The following CDH13 variants were observed in gnomAD, a reference collection of about 807,000 sequenced individuals.
CDH13 encodes cadherin-13.
Under a neutral mutation model 63.8 loss-of-function variants are expected in CDH13, and 24 were observed. That is an observed-to-expected ratio of 0.38 (90% CI 0.27 to 0.53). CDH13 has a LOEUF of 0.53. CDH13 is among the 20% of genes least tolerant of loss of function. CDH13 has a pLI of 0.85. For synonymous variants in CDH13, 503 were observed against 355.3 expected (o/e 1.42, Z -4.67); for missense variants, 1,049 against 903.1 (o/e 1.16, Z -2.07).
At chr16:83,414,024 T>C (rs886918999) in intron 6 of CDH13, among the ~76,000 whole-genome samples, 8 of 152,160 alleles carry the variant, frequency 5.3e-5, no homozygotes, top group Non-Finnish European at 7.4e-5. Flanking sequence ...TCTCTCTTGT[T>C]GTCCTTTGTA....
At chr16:82,858,034 T>G (rs2039775228) in intron 1 of CDH13, among the ~76,000 whole-genome samples, 1 of 152,216 alleles carries the variant, frequency 6.6e-6, no homozygotes, top group South Asian at 2.1e-4. Flanking sequence ...GGTTTTAGCT[T>G]AGGCATCATG....
intron 9 of CDH13, among the ~76,000 whole-genome samples, chr16:83,673,719 T>C (rs541808962): frequency 1.5e-3 from 224 of 152,346 alleles, no homozygotes; most frequent in African/African-American, 5.1e-3. Context: ...TTAGTTAAAA[T>C]GCAGATTTCT....
chr16:83,324,965 T>A (rs1308282043), intron 5 of CDH13, among the ~76,000 whole-genome samples: 1 of 152,186 alleles, frequency 6.6e-6, no homozygotes, highest in African/African-American at 2.4e-5. Flanking sequence ...CCCACTTCTG[T>A]CACTCTACTT....
At chr16:83,118,949 C>G (rs1051364917) in intron 3 of CDH13, among the ~76,000 whole-genome samples, 2 of 152,192 alleles carry the variant, frequency 1.3e-5, no homozygotes, top group African/African-American at 4.8e-5. Flanking sequence ...CAAGGTCAGC[C>G]CCATTCCTTG....
At chr16:82,665,652 C>T (rs936351820) in intron 1 of CDH13, among the ~76,000 whole-genome samples, 3 of 152,058 alleles carry the variant, frequency 2.0e-5, no homozygotes, top group Non-Finnish European at 2.9e-5. Context: ...CTCTGCTTCA[C>T]CTTCCTCAAC....
At chr16:83,454,170 G>C (rs909234173) in intron 6 of CDH13, among the ~76,000 whole-genome samples, 3 of 152,164 alleles carry the variant, frequency 2.0e-5, no homozygotes, top group Non-Finnish European at 4.4e-5. Flanking sequence ...GTATATTAAG[G>C]GGTGATGACT....
At chr16:83,220,148 A>C (rs1477597725) in intron 5 of CDH13, among the ~76,000 whole-genome samples, 1 of 152,178 alleles carries the variant, frequency 6.6e-6, no homozygotes, top group Non-Finnish European at 1.5e-5. Flanking sequence ...TGCTTCATGC[A>C]CTTCAGTTCG....
At chr16:82,801,135 C>T (rs1444094767) in intron 1 of CDH13, among the ~76,000 whole-genome samples, 1 of 152,158 alleles carries the variant, frequency 6.6e-6, no homozygotes, top group Non-Finnish European at 1.5e-5. Context: ...CAGAAAGTGT[C>T]CAAATCCCAC....
intron 6 of CDH13, among the ~76,000 whole-genome samples, chr16:83,440,515 T>C (rs1311482144): frequency 6.6e-6 from 1 of 152,112 alleles, no homozygotes; most frequent in Non-Finnish European, 1.5e-5. Flanking sequence ...CACGGTGGCT[T>C]ATGCCTGTAG....
At chr16:83,085,201 T>G (rs1377029383) in intron 3 of CDH13, among the ~76,000 whole-genome samples, 1 of 152,082 alleles carries the variant, frequency 6.6e-6, no homozygotes, top group Non-Finnish European at 1.5e-5. Context: ...CACTTCTTTC[T>G]TGGTGGCGGC....
chr16:82,879,244 C>A (rs916601272), intron 2 of CDH13, among the ~76,000 whole-genome samples: 3 of 151,920 alleles, frequency 2.0e-5, no homozygotes, highest in African/African-American at 7.3e-5. Context: ...GCTCTGTAAC[C>A]TAGAAAAAGC....
intron 8 of CDH13, among the ~76,000 whole-genome samples, chr16:83,653,444 GT>G (rs34068620): frequency 0.91 from 134,966 of 147,916 alleles, 61,855 homozygotes; most frequent in East Asian, 0.96. Flanking sequence ...ATCACAAGCT[GT>G]TTTTTTTTTT....
At chr16:83,179,312 C>G (rs957262973) in intron 4 of CDH13, among the ~76,000 whole-genome samples, 1 of 151,928 alleles carries the variant, frequency 6.6e-6, no homozygotes, top group Non-Finnish European at 1.5e-5. Flanking sequence ...TCTCTCAACC[C>G]TATCAGGCAC....
intron 8 of CDH13, among the ~76,000 whole-genome samples, chr16:83,654,189 C>G (rs937580223): frequency 6.6e-6 from 1 of 151,874 alleles, no homozygotes; most frequent in African/African-American, 2.4e-5. Context: ...GAATTTGTTC[C>G]GGTTCTTTCT....
Position 82,948,987 on chromosome 16 carries a change from C to CTA in CDH13, c.158-83023_158-83022insTA, listed in dbSNP as rs113461473. On this transcript the variant is annotated intron_variant, in intron 2 of 13. Coordinates refer to ENST00000567109, the MANE Select transcript of CDH13 (RefSeq NM_001257.5). The stretch of plus-strand genomic sequence containing the variant: ...CTATAGAAAATTCAGTGACTGTAAA[C>CTA]ATCTTTCAACTCTACATTGTGAGAG... Among the ~76,000 whole-genome samples the CTA allele has an allele frequency of 5.9e-5, 9 of 152,278 alleles. 2 individuals carry two copies. Among genetic ancestry groups the CTA allele is most frequent in the African/African-American group, 2.2e-4 (9 of 41,568 alleles).
At chr16:83,354,181 G>C (rs984988783) in intron 6 of CDH13, among the ~76,000 whole-genome samples, 2 of 152,194 alleles carry the variant, frequency 1.3e-5, no homozygotes, top group Non-Finnish European at 2.9e-5. Flanking sequence ...AAGTCCTTGA[G>C]TTGTCCTAGC....
intron 6 of CDH13, among the ~76,000 whole-genome samples, chr16:83,389,006 C>T (rs572324721): frequency 6.6e-6 from 1 of 152,230 alleles, no homozygotes; most frequent in South Asian, 2.1e-4. Context: ...TCCCAGGCAC[C>T]ACCCTAAAAC....
At chr16:82,865,329 C>T (rs370652942) in intron 2 of CDH13, among the ~76,000 whole-genome samples, 5 of 152,220 alleles carry the variant, frequency 3.3e-5, no homozygotes, top group South Asian at 2.1e-4. Context: ...TCTGCACTGC[C>T]TTAGCAGAAA....
intron 1 of CDH13, among the ~76,000 whole-genome samples, chr16:82,856,313 T>C (rs1218138253): frequency 6.9e-6 from 1 of 145,622 alleles, no homozygotes; most frequent in Non-Finnish European, 1.5e-5. Flanking sequence ...GGGCGGAGCT[T>C]GCAGTGAGCA....
Sources: gnomAD v4.1 joint callset for allele counts (sites outside exome capture counted in the v4.1 genomes callset) on GRCh38, gnomAD v4.1.1 for gene constraint, MANE v1.5 for transcripts, NCBI Gene and HGNC (gene_info 2026-07-23, HGNC 2026-07-21) for gene names.